TENM4: variants seen among roughly 807,000 people sequenced by gnomAD.
The protein encoded by TENM4 is teneurin transmembrane protein 4.
In TENM4, 82 loss-of-function variants were observed where a neutral mutation model predicts 243.3. The observed-to-expected ratio is 0.34, with a 90% CI of 0.28 to 0.40. TENM4 has a LOEUF of 0.40. Among genes scored for constraint, TENM4 ranks in the 10% least tolerant of loss-of-function variants. The pLI is 1.00. For missense variants in TENM4, 3,138 were observed against 3,673.3 expected, an observed-to-expected ratio of 0.85 and a Z score of 3.77; for synonymous variants, 1,412 against 1,456.3, an observed-to-expected ratio of 0.97 and a Z score of 0.69.
At chr11:78,686,763 C>G (rs1858685689) in intron 29 of TENM4, among the ~76,000 whole-genome samples, 1 of 152,204 alleles carries the variant, frequency 6.6e-6, no homozygotes, top group Admixed American at 6.5e-5. Context: ...AGACGAAACA[C>G]TGAGTTTTCC....
In TENM4 at chr11:78,738,144, G is replaced by C. The variant is rs557140363; in HGVS notation, c.2876+307C>G. Among the ~76,000 whole-genome samples, 14 of 152,330 alleles carry C rather than the reference G, an allele frequency of 9.2e-5. No homozygotes were observed. In the South Asian group the frequency reaches 1.0e-3, roughly 11 times the overall value. On this transcript the variant is annotated intron_variant, in intron 20 of 33. Transcript: ENST00000278550. ...ATGGCTGAGATTTCTCAAGCTGTCT[G>C]TTCTGCAGAAAGTGGTTCGCATGAC...
chr11:78,982,283 A>C (rs1045425927), intron 6 of TENM4, among the ~76,000 whole-genome samples: 20 of 152,138 alleles, frequency 1.3e-4, no homozygotes, highest in African/African-American at 4.8e-4. Context: ...CTCCTTGTCT[A>C]ACAAGGCAGA....
intron 15 of TENM4, among the ~76,000 whole-genome samples, chr11:78,801,447 A>C (rs1857281118): frequency 6.6e-6 from 1 of 152,168 alleles, no homozygotes; most frequent in African/African-American, 2.4e-5. Context: ...GGACTGAAAG[A>C]GGAATTTCTG....
chr11:79,198,417 C>A (rs541011558), intron 3 of TENM4, among the ~76,000 whole-genome samples: 1 of 152,312 alleles, frequency 6.6e-6, no homozygotes, highest in African/African-American at 2.4e-5. Flanking sequence ...TTTCAACACT[C>A]GCCAGGTGAT....
chr11:79,283,534 C>CCAA (rs1184978380), intron 2 of TENM4, among the ~76,000 whole-genome samples: 1 of 151,898 alleles, frequency 6.6e-6, no homozygotes, highest in Admixed American at 6.6e-5. Flanking sequence ...ACAAAAAAAC[C>CCAA]CAACAAACTA....
intron 2 of TENM4, among the ~76,000 whole-genome samples, chr11:79,256,365 T>C (rs1361913145): frequency 6.6e-6 from 1 of 152,138 alleles, no homozygotes. Flanking sequence ...ACACTTGCCA[T>C]GTATTGTAGC....
chr11:79,307,714 T>G (rs753271655), intron 1 of TENM4, among the ~76,000 whole-genome samples: 1 of 152,190 alleles, frequency 6.6e-6, no homozygotes, highest in Non-Finnish European at 1.5e-5. Flanking sequence ...TGCGTGACCC[T>G]GGGCTTTTTG....
intron 3 of TENM4, among the ~76,000 whole-genome samples, chr11:79,209,294 C>T (rs1863909118): frequency 6.6e-6 from 1 of 152,208 alleles, no homozygotes; most frequent in Non-Finnish European, 1.5e-5. Context: ...CTAACCCCAA[C>T]CCGGCCGGCC....
chr11:78,979,227 C>A (rs1260218348), intron 6 of TENM4, among the ~76,000 whole-genome samples: 1 of 152,116 alleles, frequency 6.6e-6, no homozygotes, highest in Non-Finnish European at 1.5e-5. Flanking sequence ...TGAAATCCTG[C>A]CTGCTTAGTT....
chr11:78,978,132 T>G (rs568121139), intron 6 of TENM4, among the ~76,000 whole-genome samples: 1 of 151,366 alleles, frequency 6.6e-6, no homozygotes, highest in South Asian at 2.1e-4. Context: ...ATATTCTCAC[T>G]CATAAGTGGG....
At chr11:79,132,097 C>T (rs1862014268) in intron 4 of TENM4, among the ~76,000 whole-genome samples, 1 of 151,876 alleles carries the variant, frequency 6.6e-6, no homozygotes, top group Non-Finnish European at 1.5e-5. Flanking sequence ...AATCTCAGCA[C>T]TTTGGGAGGC....
chr11:79,214,280 C>T (rs1242156042), intron 3 of TENM4, among the ~76,000 whole-genome samples: 1 of 152,166 alleles, frequency 6.6e-6, no homozygotes, highest in East Asian at 1.9e-4. Context: ...CAGGCTTGAG[C>T]CATCAAGCCT....
chr11:78,805,615 G>A, intron 14 of TENM4, 123 bp from the exon 15 acceptor site: 1 of 1,191,594 alleles, frequency 8.4e-7, no homozygotes. Flanking sequence ...GGATGCATAG[G>A]TCACTTAGTA....
At chr11:79,300,333 T>C (rs1222009318) in intron 1 of TENM4, among the ~76,000 whole-genome samples, 3 of 152,196 alleles carry the variant, frequency 2.0e-5, no homozygotes, top group African/African-American at 7.2e-5. Context: ...CTAATTTTAA[T>C]CTCTCTTTAA....
chr11:78,844,348 T>G lies in TENM4; in HGVS notation c.1681+9756A>C, dbSNP rs564177318. 9.2e-5 allele frequency among the ~76,000 whole-genome samples: 14 copies of G among 152,244 alleles called. No individual in the cohort carries two copies. In the South Asian group the frequency reaches 2.1e-3, roughly 23 times the overall value. On this transcript the variant is annotated intron_variant, in intron 12 of 33. Coordinates refer to ENST00000278550, the MANE Select transcript of TENM4 (RefSeq NM_001098816.3). The stretch of plus-strand genomic sequence containing the variant: ...TAATCTGATAGGACTTATGTCCTTA[T>G]AAAAAGAGGAAAAGGCCGGGTGCGG...
At chr11:79,108,738 A>T (rs1238329141) in intron 4 of TENM4, among the ~76,000 whole-genome samples, 2 of 152,156 alleles carry the variant, frequency 1.3e-5, no homozygotes, top group Non-Finnish European at 2.9e-5. Flanking sequence ...AAAAAGAGCT[A>T]TCCTCCTCCC....
intron 14 of TENM4, among the ~76,000 whole-genome samples, chr11:78,809,858 C>G (rs1229071061): frequency 6.6e-6 from 1 of 152,162 alleles, no homozygotes; most frequent in Non-Finnish European, 1.5e-5. Flanking sequence ...GGACACAGGT[C>G]TTTCCCCCAA....
At chr11:79,356,788 T>C (rs1857504192) in intron 1 of TENM4, among the ~76,000 whole-genome samples, 1 of 152,226 alleles carries the variant, frequency 6.6e-6, no homozygotes, top group Non-Finnish European at 1.5e-5. Flanking sequence ...ATGATTCCTA[T>C]TCATTTTTAT....
In TENM4 at chr11:79,286,679, A is replaced by AT. The variant is rs951103187; in HGVS notation, c.-265+10808dup. On this transcript the variant is annotated intron_variant, in intron 2 of 33. Transcript: ENST00000278550. Reference sequence around the variant, plus strand: ...AGCGAAACTCCGTCTCAAAAAAAAAATTTTTTTTTAAATAGAAGTGGAAAT... The same window carrying AT: ...AGCGAAACTCCGTCTCAAAAAAAAAATTTTTTTTTTAAATAGAAGTGGAAAT... Among the ~76,000 whole-genome samples the AT allele has an allele frequency of 2.1e-3, 314 of 151,548 alleles. 2 individuals are homozygous for AT. The highest frequency in any genetic ancestry group is 7.3e-3 in the African/African-American group (300 of 41,298).
Sources: gnomAD v4.1 joint callset for allele counts (sites outside exome capture counted in the v4.1 genomes callset) on GRCh38, gnomAD v4.1.1 for gene constraint, MANE v1.5 for transcripts, NCBI Gene and HGNC (gene_info 2026-07-23, HGNC 2026-07-21) for gene names.